GNAQ: variants seen among roughly 807,000 people sequenced by gnomAD.
GNAQ encodes the protein G protein subunit alpha q.
GNAQ carries 8 observed loss-of-function variants against 43.9 expected under a neutral mutation model. That is an observed-to-expected ratio of 0.18 (90% CI 0.11 to 0.33). The LOEUF is 0.33. Among genes scored for constraint, GNAQ ranks in the 10% least tolerant of loss-of-function variants. The probability of loss-of-function intolerance (pLI) is 1.00; values close to 1 mark genes in which losing one functional copy is unlikely to be tolerated. For synonymous variants in GNAQ, 155 were observed against 170.7 expected (o/e 0.91, Z 0.71); for missense variants, 158 against 450.8 (o/e 0.35, Z 5.88).
In GNAQ at chr9:77,718,232, A is replaced by C. The variant is rs1282194650; in HGVS notation, c.*3091T>G. On this transcript the variant is annotated 3_prime_UTR_variant, in exon 7 of 7. Coordinates refer to ENST00000286548, the MANE Select transcript of GNAQ (RefSeq NM_002072.5). ...ACCTAAGCATCAACAATAGGAGGCC[A>C]GTGGCACACGCTTATAACGCTTGCA... is the stretch of plus-strand genomic sequence containing the variant. 8.6e-6 allele frequency: 2 copies of C among 232,766 alleles called. No homozygotes were observed. Among genetic ancestry groups the C allele is most frequent in the African/African-American group, 4.4e-5 (2 of 45,338 alleles). The allele number at this position is 232,766 out of a possible 1,614,324, so 14.4% of individuals were successfully genotyped here.
At chr9:77,939,785 A>G (rs1829288251) in intron 1 of GNAQ, among the ~76,000 whole-genome samples, 1 of 152,232 alleles carries the variant, frequency 6.6e-6, no homozygotes, top group Non-Finnish European at 1.5e-5. Context: ...TTTTATAATC[A>G]TAATATGTTG....
chr9:77,785,603 T>G (rs972504376), intron 5 of GNAQ, among the ~76,000 whole-genome samples: 1 of 152,202 alleles, frequency 6.6e-6, no homozygotes, highest in African/African-American at 2.4e-5. Flanking sequence ...TTCATCAAGC[T>G]GAATACTTAT....
rs112688008 is a variant in GNAQ, at chr9:77,832,409, A to C, written c.322-16639T>G. Among the ~76,000 whole-genome samples, 8 of 152,202 alleles carry C rather than the reference A, an allele frequency of 5.3e-5. 1 individual carries two copies. Among genetic ancestry groups the C allele is most frequent in the Non-Finnish European group, 1.2e-4 (8 of 68,038 alleles). ...GTACTATGCTGAGCTCCTACACTAC[A>C]GGGTGGGAACAAACTGATGTGGTGC... On this transcript the variant is annotated intron_variant, in intron 2 of 6. Coordinates refer to ENST00000286548, the MANE Select transcript of GNAQ (RefSeq NM_002072.5).
chr9:77,787,755 C>G (rs1176389673), intron 5 of GNAQ, among the ~76,000 whole-genome samples: 3 of 152,222 alleles, frequency 2.0e-5, no homozygotes, highest in South Asian at 2.1e-4. Flanking sequence ...GCTGGCCAGG[C>G]ATGGTGGCTC....
chr9:77,850,178 C>A (rs1282983664), intron 2 of GNAQ, among the ~76,000 whole-genome samples: 1 of 152,246 alleles, frequency 6.6e-6, no homozygotes, highest in Non-Finnish European at 1.5e-5. Context: ...GCCCCGCATG[C>A]CCCTATCTGC....
chr9:77,914,779 A>T (rs1230788981), intron 2 of GNAQ, among the ~76,000 whole-genome samples: 3 of 151,398 alleles, frequency 2.0e-5, no homozygotes, highest in Non-Finnish European at 4.4e-5. Flanking sequence ...TCCAATTAAA[A>T]TCACTGTCAC....
At chr9:77,798,507 C>T (rs894717213) in intron 3 of GNAQ, among the ~76,000 whole-genome samples, 9 of 152,066 alleles carry the variant, frequency 5.9e-5, no homozygotes, top group Non-Finnish European at 1.0e-4. Flanking sequence ...GAATTTTATC[C>T]GTTGTTATAT....
At chr9:77,761,942 G>T (rs1826037255) in intron 5 of GNAQ, among the ~76,000 whole-genome samples, 1 of 134,824 alleles carries the variant, frequency 7.4e-6, no homozygotes, top group Non-Finnish European at 1.6e-5. Flanking sequence ...GTCCGGGAGG[G>T]AGGTGCGGGG....
intron 5 of GNAQ, among the ~76,000 whole-genome samples, chr9:77,783,816 C>G (rs1334196254): frequency 2.6e-5 from 4 of 152,056 alleles, no homozygotes; most frequent in African/African-American, 4.8e-5. Flanking sequence ...GTCCCAGCTC[C>G]CAGCTACTTG....
At chr9:77,929,102 T>C (rs985654159) in intron 1 of GNAQ, among the ~76,000 whole-genome samples, 1 of 152,198 alleles carries the variant, frequency 6.6e-6, no homozygotes, top group Non-Finnish European at 1.5e-5. Context: ...TCAGTATAAT[T>C]TGGAGAACAG....
At chr9:77,888,918 A>T (rs925689546) in intron 2 of GNAQ, among the ~76,000 whole-genome samples, 1 of 152,168 alleles carries the variant, frequency 6.6e-6, no homozygotes, top group East Asian at 1.9e-4. Context: ...TTTCAGCATG[A>T]CATTTAGAAT....
chr9:77,825,878 T>G (rs570981301), intron 2 of GNAQ, among the ~76,000 whole-genome samples: 17 of 152,132 alleles, frequency 1.1e-4, no homozygotes, highest in Non-Finnish European at 2.1e-4. Context: ...TGGGGAAGAC[T>G]TGGGTTAGAT....
At chr9:77,743,270 A>C (rs1825680263) in intron 5 of GNAQ, among the ~76,000 whole-genome samples, 4 of 151,594 alleles carry the variant, frequency 2.6e-5, no homozygotes, top group Admixed American at 6.6e-5. Flanking sequence ...CAAAAAACAA[A>C]AAACAAACAA....
At position 77,762,278 on chromosome 9, in the gene GNAQ, G is replaced by A. The variant is rs1048482308; in HGVS notation, c.735+32185C>T. On this transcript the variant is annotated intron_variant, in intron 5 of 6. Transcript: ENST00000286548. ...GGGTCAGCCCCCCGCCTGGCCAGCC[G>A]CCCCGTCCGGGAGGGAGGTGGGGGG... is the stretch of plus-strand genomic sequence containing the variant. Among the ~76,000 whole-genome samples the A allele has an allele frequency of 4.3e-3, 622 of 144,180 alleles. 3 individuals carry two copies. The highest frequency in any genetic ancestry group is 7.2e-3 in the Non-Finnish European group (466 of 65,160). 94.6% of individuals were successfully genotyped at this position (144,180 alleles called of 152,430 possible). A position where few individuals can be genotyped will look rare whatever the true frequency, so the allele number is the denominator to read the frequency against.
chr9:77,916,284 A>G (rs1357347711), intron 2 of GNAQ, among the ~76,000 whole-genome samples: 1 of 152,228 alleles, frequency 6.6e-6, no homozygotes, highest in Non-Finnish European at 1.5e-5. Flanking sequence ...TGTATTTATT[A>G]ATTCTGCCTC....
intron 5 of GNAQ, among the ~76,000 whole-genome samples, chr9:77,754,905 G>A (rs538869811): frequency 1.2e-4 from 19 of 152,284 alleles, no homozygotes; most frequent in Middle Eastern, 6.8e-3. Flanking sequence ...AGGAAAATCA[G>A]TGTATCAAAA....
At chr9:77,845,319 CT>C (rs766976470) in intron 2 of GNAQ, among the ~76,000 whole-genome samples, 29 of 152,050 alleles carry the variant, frequency 1.9e-4, no homozygotes, top group Non-Finnish European at 3.4e-4. Context: ...CTGGAACTTC[CT>C]TTTTTAAACA....
chr9:77,948,183 T>C (rs2118367583), intron 1 of GNAQ, among the ~76,000 whole-genome samples: 1 of 152,390 alleles, frequency 6.6e-6, no homozygotes, highest in Non-Finnish European at 1.5e-5. Context: ...TGAATTAACA[T>C]GTTTATAAGA....
chr9:77,876,970 G>T (rs750819099), intron 2 of GNAQ, among the ~76,000 whole-genome samples: 44 of 151,836 alleles, frequency 2.9e-4, no homozygotes, highest in Non-Finnish European at 8.8e-5. Context: ...TAAAACAGAC[G>T]GCCATATCTA....
Sources: gnomAD v4.1 joint callset for allele counts (sites outside exome capture counted in the v4.1 genomes callset) on GRCh38, gnomAD v4.1.1 for gene constraint, MANE v1.5 for transcripts, NCBI Gene and HGNC (gene_info 2026-07-23, HGNC 2026-07-21) for gene names.